The following ZNF618 variants were observed in gnomAD, a reference collection of about 807,000 sequenced individuals.
ZNF618 encodes the protein neural precursor cell expressed, developmentally down-regulated 10.
Under a neutral mutation model 103.0 loss-of-function variants are expected in ZNF618, and 34 were observed. The observed-to-expected ratio is 0.33, with a 90% confidence interval of 0.25 to 0.44. ZNF618 has a LOEUF of 0.44. ZNF618 is among the 20% of genes least tolerant of loss of function. The pLI, the probability that ZNF618 is intolerant of heterozygous loss-of-function variation, is 1.00. For synonymous variants in ZNF618, 551 were observed against 542.2 expected (o/e 1.02, Z -0.23); for missense variants, 1,059 against 1,295.4 (o/e 0.82, Z 2.80).
At position 114,052,882 on chromosome 9, in the gene ZNF618, G is replaced by A. The variant is rs140865017; in HGVS notation, c.*2715G>A. 96 of 152,352 alleles carry A rather than the reference G, an allele frequency of 6.3e-4. No individual in the cohort carries two copies. The highest frequency in any genetic ancestry group is 2.2e-3 in the African/African-American group (93 of 41,596). The allele number at this position is 152,352 out of a possible 1,614,324, so 9.4% of individuals were successfully genotyped here. On this transcript the variant is annotated 3_prime_UTR_variant, in exon 15 of 15. Coordinates refer to ENST00000374126, the MANE Select transcript of ZNF618 (RefSeq NM_001318042.2). ...GCATGGGATGTCTGTCCTCCAGGAA[G>A]AGATTTGATCTTAGGTTGTTACCTC...
rs973831347 is a variant in ZNF618 at position 114,037,771 on chromosome 9, T to G, written c.1246+1394T>G. 2.0e-5 allele frequency among the ~76,000 whole-genome samples: 3 copies of G among 152,214 alleles called. 1 individual carries two copies. The East Asian group carries it at 5.8e-4, about 29-fold the overall frequency. On this transcript the variant is annotated intron_variant, in intron 13 of 14. Coordinates refer to ENST00000374126, the MANE Select transcript of ZNF618 (RefSeq NM_001318042.2). The stretch of plus-strand genomic sequence containing the variant: ...ATTCATTCATCCATCCAGCATATAT[T>G]AATTGGGTATCTGCTGTATATTAGG...
intron 1 of ZNF618, among the ~76,000 whole-genome samples, chr9:113,951,923 A>T (rs1233241030): frequency 6.6e-6 from 1 of 152,134 alleles, no homozygotes; most frequent in Non-Finnish European, 1.5e-5. Context: ...CTTGGTCATC[A>T]TTCAGACATT....
chr9:113,931,665 C>T (rs573294831), intron 1 of ZNF618, among the ~76,000 whole-genome samples: 2 of 152,230 alleles, frequency 1.3e-5, no homozygotes, highest in African/African-American at 2.4e-5. Context: ...TAGTCCAAAT[C>T]GAGATGTGCT....
intron 13 of ZNF618, among the ~76,000 whole-genome samples, chr9:114,044,528 T>C (rs1564342596): frequency 1.3e-5 from 2 of 152,188 alleles, no homozygotes. Flanking sequence ...ATGCAAGCTC[T>C]TTTTTGGTAC....
intron 1 of ZNF618, among the ~76,000 whole-genome samples, chr9:113,923,935 A>G (rs1444719047): frequency 6.6e-6 from 1 of 152,112 alleles, no homozygotes; most frequent in Admixed American, 6.5e-5. Context: ...TCCTTTGAGT[A>G]TCATCTTGGC....
intron 2 of ZNF618, among the ~76,000 whole-genome samples, chr9:113,979,424 G>T (rs1838781129): frequency 6.6e-6 from 1 of 152,194 alleles, no homozygotes; most frequent in African/African-American, 2.4e-5. Context: ...CATCAGAAAG[G>T]ATAAAGATAT....
chr9:113,898,401 C>A (rs1830223266), intron 1 of ZNF618, among the ~76,000 whole-genome samples: 1 of 150,154 alleles, frequency 6.7e-6, no homozygotes, highest in South Asian at 2.1e-4. Context: ...GGTCTATATC[C>A]TAAAATGATG....
At chr9:113,934,135 C>T (rs370317760) in intron 1 of ZNF618, among the ~76,000 whole-genome samples, 1 of 152,142 alleles carries the variant, frequency 6.6e-6, no homozygotes, top group South Asian at 2.1e-4. Context: ...GAAGTAATGG[C>T]GGCAGGAAAG....
Position 114,053,294 on chromosome 9 carries a change from C to T in ZNF618, c.*3127C>T, listed in dbSNP as rs1588475013. The T allele has an allele frequency of 6.6e-6, 1 of 152,278 alleles. No homozygotes were observed. The highest frequency in any genetic ancestry group is 2.4e-5 in the African/African-American group (1 of 41,452). 9.4% of individuals were successfully genotyped at this position (152,278 alleles called of 1,614,324 possible). A position where few individuals can be genotyped will look rare whatever the true frequency, so the allele number is the denominator to read the frequency against. On this transcript the variant is annotated 3_prime_UTR_variant, in exon 15 of 15. Transcript: ENST00000374126. ...CTCTTCCAGTTCATCTCCTGGTGTC[C>T]AGCCTGACCTTCACATCTGGAAGGA...
intron 1 of ZNF618, among the ~76,000 whole-genome samples, chr9:113,918,967 C>A (rs1178999608): frequency 6.6e-6 from 1 of 152,192 alleles, no homozygotes; most frequent in African/African-American, 2.4e-5. Context: ...ACTCAGTGGC[C>A]ACCTTCCAGA....
intron 1 of ZNF618, among the ~76,000 whole-genome samples, chr9:113,916,974 C>T (rs563430908): frequency 5.9e-5 from 9 of 152,084 alleles, no homozygotes; most frequent in Non-Finnish European, 8.8e-5. Flanking sequence ...AGCCTTTGGG[C>T]GGCTAATCTG....
chr9:113,891,277 A>G (rs554857132), intron 1 of ZNF618, among the ~76,000 whole-genome samples: 4 of 152,344 alleles, frequency 2.6e-5, no homozygotes, highest in Non-Finnish European at 4.4e-5. Flanking sequence ...TCCAGAATAT[A>G]TAAAGAAATC....
intron 4 of ZNF618, among the ~76,000 whole-genome samples, chr9:113,999,531 G>GC (rs1170584639): frequency 6.6e-6 from 1 of 152,194 alleles, no homozygotes; most frequent in Non-Finnish European, 1.5e-5. Context: ...GAGCCATCAT[G>GC]CCCCCCATGA....
chr9:113,967,011 T>G (rs1837467757), intron 1 of ZNF618, among the ~76,000 whole-genome samples: 1 of 152,210 alleles, frequency 6.6e-6, no homozygotes, highest in South Asian at 2.1e-4. Context: ...AAACAGAGAC[T>G]CTTATCCCAC....
chr9:113,885,977 GA>G (rs1829035660), intron 1 of ZNF618, among the ~76,000 whole-genome samples: 1 of 152,168 alleles, frequency 6.6e-6, no homozygotes, highest in Admixed American at 6.5e-5. Flanking sequence ...AAAACACAGG[GA>G]AAAACATTGC....
intron 1 of ZNF618, among the ~76,000 whole-genome samples, chr9:113,968,779 C>A (rs1171036573): frequency 1.3e-5 from 2 of 152,132 alleles, no homozygotes; most frequent in African/African-American, 4.8e-5. Flanking sequence ...ATTGGAAATC[C>A]CAGCTGAAAA....
intron 13 of ZNF618, among the ~76,000 whole-genome samples, chr9:114,045,502 T>G (rs1445887998): frequency 6.6e-6 from 1 of 152,070 alleles, no homozygotes; most frequent in Non-Finnish European, 1.5e-5. Context: ...ATTGTCCTGA[T>G]AACCTTGTCA....
chr9:113,959,039 C>T (rs1836582859), intron 1 of ZNF618, among the ~76,000 whole-genome samples: 2 of 152,148 alleles, frequency 1.3e-5, no homozygotes, highest in Non-Finnish European at 2.9e-5. Flanking sequence ...CTGTAAATCC[C>T]AGCACTTTGG....
At chr9:113,913,499 C>T (rs1015551232) in intron 1 of ZNF618, among the ~76,000 whole-genome samples, 2 of 152,268 alleles carry the variant, frequency 1.3e-5, no homozygotes, top group Admixed American at 1.3e-4. Context: ...GGGGCGACAG[C>T]CCTACCCTTG....
Sources: allele counts gnomAD v4.1 joint callset (sites outside exome capture counted in the v4.1 genomes callset), GRCh38; gene constraint gnomAD v4.1.1; transcripts MANE v1.5; gene names NCBI Gene and HGNC (gene_info 2026-07-23, HGNC 2026-07-21).